Variants in GAB2 observed in about 807,000 individuals in gnomAD.
GAB2 encodes GRB2 associated binding protein 2.
Under a neutral mutation model 65.5 loss-of-function variants are expected in GAB2, and 26 were observed. That is an observed-to-expected ratio of 0.40 (90% confidence interval 0.29 to 0.55). The LOEUF is 0.55. Ranked by LOEUF, GAB2 falls within the 20% of genes least tolerant of loss-of-function variation. The pLI is 0.53. For synonymous variants in GAB2, 321 were observed against 329.6 expected (o/e 0.97, Z 0.28); for missense variants, 884 against 875.8 (o/e 1.01, Z -0.12).
intron 2 of GAB2, among the ~76,000 whole-genome samples, chr11:78,261,349 T>C (rs1276335825): frequency 1.3e-5 from 2 of 152,078 alleles, no homozygotes; most frequent in Non-Finnish European, 2.9e-5. Context: ...ATAAACACAC[T>C]AGAGCAGCAA....
chr11:78,374,977 C>T (rs780003129), intron 1 of GAB2, among the ~76,000 whole-genome samples: 1 of 152,188 alleles, frequency 6.6e-6, no homozygotes, highest in Non-Finnish European at 1.5e-5. Flanking sequence ...CTATTTCACA[C>T]ACAGGTACAT....
rs545306375 is a variant in GAB2 at position 78,299,341 on chromosome 11, T to G, written c.76-18440A>C. 3.9e-5 allele frequency among the ~76,000 whole-genome samples: 6 copies of G among 152,324 alleles called. No homozygotes were observed. The East Asian group carries it at 1.2e-3, about 29-fold the overall frequency. On this transcript the variant is annotated intron_variant, in intron 1 of 9. Transcript: ENST00000361507. Reference sequence around the variant, plus strand: ...ACTTTATTATTGTTCCCACCATCACTTCAATTTCTGACATTTTAAGATCAC... The same window carrying G: ...ACTTTATTATTGTTCCCACCATCACGTCAATTTCTGACATTTTAAGATCAC...
chr11:78,315,508 A>G (rs962007294), intron 1 of GAB2, among the ~76,000 whole-genome samples: 1 of 152,222 alleles, frequency 6.6e-6, no homozygotes, highest in Non-Finnish European at 1.5e-5. Flanking sequence ...ACCATATACA[A>G]AAATTAACTC....
chr11:78,327,639 C>T (rs1855847104), intron 1 of GAB2, among the ~76,000 whole-genome samples: 1 of 152,122 alleles, frequency 6.6e-6, no homozygotes, highest in Non-Finnish European at 1.5e-5. Flanking sequence ...GGTTGAGTCC[C>T]AACCACAGTG....
chr11:78,387,392 T>C (rs1214185478), intron 1 of GAB2, among the ~76,000 whole-genome samples: 1 of 152,206 alleles, frequency 6.6e-6, no homozygotes, highest in Non-Finnish European at 1.5e-5. Context: ...ATGTTCTTGC[T>C]CTTCACTGCT....
chr11:78,276,814 ATTT>A (rs1639418558), intron 2 of GAB2, among the ~76,000 whole-genome samples: 4 of 96,852 alleles, frequency 4.1e-5, no homozygotes, highest in Non-Finnish European at 8.4e-5. Context: ...TATTTATTTT[ATTT>A]ATTTATTTAT....
intron 1 of GAB2, among the ~76,000 whole-genome samples, chr11:78,318,859 T>C (rs1278234329): frequency 1.3e-5 from 2 of 152,204 alleles, no homozygotes; most frequent in African/African-American, 4.8e-5. Flanking sequence ...AAGGAGCATC[T>C]GGATGCAGTA....
chr11:78,276,316 G>A (rs999118799), intron 2 of GAB2, among the ~76,000 whole-genome samples: 2 of 151,718 alleles, frequency 1.3e-5, no homozygotes, highest in African/African-American at 4.8e-5. Flanking sequence ...AAAAAATACA[G>A]CTCACTGCAG....
chr11:78,293,190 G>A (rs962919452), intron 1 of GAB2, among the ~76,000 whole-genome samples: 1 of 152,196 alleles, frequency 6.6e-6, no homozygotes, highest in African/African-American at 2.4e-5. Context: ...ATAGTTAACT[G>A]TATTTGTTCT....
intron 2 of GAB2, among the ~76,000 whole-genome samples, chr11:78,254,691 T>C (rs1042688028): frequency 3.3e-5 from 5 of 151,836 alleles, no homozygotes; most frequent in Non-Finnish European, 7.4e-5. Flanking sequence ...CCTAGCTACT[T>C]AGGAGGCTGA....
chr11:78,327,271 C>T (rs948700159), intron 1 of GAB2, among the ~76,000 whole-genome samples: 1 of 152,126 alleles, frequency 6.6e-6, no homozygotes, highest in East Asian at 1.9e-4. Flanking sequence ...ATTATCTTTG[C>T]ATTTTAATAT....
chr11:78,308,912 C>A (rs1198445786), intron 1 of GAB2, among the ~76,000 whole-genome samples: 1 of 151,856 alleles, frequency 6.6e-6, no homozygotes, highest in African/African-American at 2.4e-5. Context: ...TTCCATTTCA[C>A]AATAAAAAGT....
At chr11:78,407,848 T>A (rs984892421) in intron 1 of GAB2, among the ~76,000 whole-genome samples, 2 of 152,036 alleles carry the variant, frequency 1.3e-5, no homozygotes, top group African/African-American at 4.8e-5. Flanking sequence ...GGAAAGACCA[T>A]GGATTTTTCA....
chr11:78,363,209 C>G (rs944686616), intron 1 of GAB2, among the ~76,000 whole-genome samples: 2 of 152,184 alleles, frequency 1.3e-5, no homozygotes, highest in African/African-American at 4.8e-5. Flanking sequence ...TATTCAAACA[C>G]AGAAATGAGA....
intron 1 of GAB2, among the ~76,000 whole-genome samples, chr11:78,360,978 T>C (rs1856427834): frequency 6.6e-6 from 1 of 152,192 alleles, no homozygotes; most frequent in Admixed American, 6.5e-5. Flanking sequence ...ATTACAACCA[T>C]ATGGTAAAAC....
intron 1 of GAB2, among the ~76,000 whole-genome samples, chr11:78,338,663 A>G (rs1196858532): frequency 6.6e-6 from 1 of 152,176 alleles, no homozygotes; most frequent in Non-Finnish European, 1.5e-5. Context: ...ACCTTAACCA[A>G]TACACTAACA....
chr11:78,375,829 A>T (rs1856625142), intron 1 of GAB2, among the ~76,000 whole-genome samples: 1 of 152,140 alleles, frequency 6.6e-6, no homozygotes, highest in Non-Finnish European at 1.5e-5. Flanking sequence ...CTCACAGAGG[A>T]AACTATATTC....
chr11:78,239,662 G>A (rs138896111), intron 3 of GAB2, among the ~76,000 whole-genome samples: 5 of 152,302 alleles, frequency 3.3e-5, no homozygotes, highest in East Asian at 3.9e-4. Flanking sequence ...ACCACTCCAT[G>A]CAAGATCAGT....
chr11:78,297,306 A>G (rs1866859032), intron 1 of GAB2, among the ~76,000 whole-genome samples: 1 of 151,958 alleles, frequency 6.6e-6, no homozygotes, highest in African/African-American at 2.4e-5. Context: ...ATAAAATTAA[A>G]AAATCTGAGA....
Sources: gnomAD v4.1 joint callset for allele counts (sites outside exome capture counted in the v4.1 genomes callset) on GRCh38, gnomAD v4.1.1 for gene constraint, MANE v1.5 for transcripts, NCBI Gene and HGNC (gene_info 2026-07-23, HGNC 2026-07-21) for gene names.